MICALL2: variants seen among roughly 807,000 people sequenced by gnomAD.
The protein encoded by MICALL2 is MICAL-like protein 2.
A neutral mutation model predicts 91.1 loss-of-function variants in MICALL2; 111 were observed. The ratio of observed to expected loss-of-function variants is 1.22; its 90% confidence interval spans 1.04 to 1.43. The LOEUF (loss-of-function observed/expected upper bound fraction) is 1.43, where lower values mean the gene tolerates loss of function less well. MICALL2 is among the 40% of genes most tolerant of loss of function. The pLI, the probability that MICALL2 is intolerant of heterozygous loss-of-function variation, is 0.00. For missense variants in MICALL2, 1,556 were observed against 1,236.0 expected (o/e 1.26, Z -3.88); for synonymous variants, 694 against 525.3 (o/e 1.32, Z -4.39).
rs1780059497 is a variant in MICALL2, at chr7:1,437,982, T to TGGGGAGAGGAGCCAGCTG, written c.2312-20_2312-3dup. The TGGGGAGAGGAGCCAGCTG allele has an allele frequency of 6.4e-7, 1 of 1,550,786 alleles. No homozygotes were observed. Among genetic ancestry groups the TGGGGAGAGGAGCCAGCTG allele is most frequent in the Non-Finnish European group, 8.7e-7 (1 of 1,147,618 alleles). The stretch of plus-strand genomic sequence containing the variant: ...CCATGAGGCTATCCTCAGCGTCATC[T>TGGGGAGAGGAGCCAGCTG]GGGGAGAGGAGCCAGCTGGGGCAGG... On this transcript the variant is annotated splice_region_variant and splice_polypyrimidine_tract_variant and intron_variant, in intron 12 of 16. Transcript: ENST00000297508.
rs571470560 is a variant in MICALL2, at chr7:1,444,573, C to A, written c.1418+79G>T. 111 of 1,409,960 alleles carry A rather than the reference C, an allele frequency of 7.9e-5. No homozygotes were observed. The African/African-American group carries it at 1.4e-3, about 18-fold the overall frequency. The allele number at this position is 1,409,960 out of a possible 1,614,324, so 87.3% of individuals were successfully genotyped here. A position where few individuals can be genotyped will look rare whatever the true frequency, so the allele number is the denominator to read the frequency against. Reference sequence around the variant, plus strand: ...CACAGCCAGGGAGGTGCAGCGCCCCCAACCCCTCTGGCCTCCGGGGCCCCG... The same window carrying A: ...CACAGCCAGGGAGGTGCAGCGCCCCAAACCCCTCTGGCCTCCGGGGCCCCG... On this transcript the variant is annotated intron_variant, in intron 6 of 16. Transcript: ENST00000297508.
chr7:1,450,491 T>C (rs1780786558), intron 1 of MICALL2: 5 of 580,140 alleles, frequency 8.6e-6, no homozygotes, highest in Non-Finnish European at 6.3e-6. Context: ...GCTGGGACCG[T>C]AGTACGACAT....
In MICALL2 at chr7:1,438,331, ATTGGCC is replaced by A; in HGVS notation, c.2139_2144del (p.Ala714_Asn715del). 6.2e-7 allele frequency: 1 copy of A among 1,605,080 alleles called. No individual in the cohort carries two copies. Among genetic ancestry groups the A allele is most frequent in the Non-Finnish European group, 8.5e-7 (1 of 1,177,008 alleles). On this transcript the variant is annotated inframe_deletion, in exon 11 of 17. Transcript: ENST00000297508. ...CCGTCTCGCCAGGCAGAGCAGGGAC[ATTGGCC>A]GGGGACAAGGGTCTCCCTGGAGAAG...
rs1780877725 is a variant in MICALL2 at position 1,452,650 on chromosome 7, C to T, written c.144-2362G>A. On this transcript the variant is annotated intron_variant, in intron 1 of 16. Transcript: ENST00000297508. This position sits in a 1 kb window ranked among gnomAD's most constrained non-coding sequence, Gnocchi z 6.2. ...AGCAGCGGCTCTGTCCAGTGGGTTTCCCTGCAGGGCCATCTCACCCCCAGA... is the reference window on the plus strand; with the variant it reads ...AGCAGCGGCTCTGTCCAGTGGGTTTTCCTGCAGGGCCATCTCACCCCCAGA... Among the ~76,000 whole-genome samples the T allele has an allele frequency of 6.6e-6, 1 of 152,146 alleles. No individual in the cohort carries two copies. The highest frequency in any genetic ancestry group is 2.4e-5 in the African/African-American group (1 of 41,428).
At chr7:1,439,335 C>A (rs1035224877) in intron 9 of MICALL2, 3 of 309,162 alleles carry the variant, frequency 9.7e-6, no homozygotes, top group Non-Finnish European at 1.8e-5. Context: ...CGGGTGCACA[C>A]GTGGACACAC....
chr7:1,444,762 AC>A lies in MICALL2; in HGVS notation c.1307del (p.Gly436ValfsTer61). 1 of 1,612,096 alleles carries A rather than the reference AC, an allele frequency of 6.2e-7. No homozygotes were observed. The highest frequency in any genetic ancestry group is 8.5e-7 in the Non-Finnish European group (1 of 1,179,728). On this transcript the variant is annotated frameshift_variant, in exon 6 of 17. Transcript: ENST00000297508. LOFTEE classifies it high-confidence loss of function. ...TGGATAGAACAAGTGACGGGGTGGG[AC>A]CTCTGCCAGAAAGGCTGGTGCCGGG... ...VPPGTSLSGRGPTPSLVLSKD... is the reference protein window; with the variant it reads ...VPPGTSLSGRXPTPSLVLSKD...
At position 1,450,277 on chromosome 7, in the gene MICALL2, G is replaced by A. The variant is rs1409536397; in HGVS notation, c.155C>T (p.Ala52Val). ...TTCATAAATATTTTCCTTCTTGAGAGCACTGAAGTTTCTGGAAGATAAAAA... is the reference window on the plus strand; with the variant it reads ...TTCATAAATATTTTCCTTCTTGAGAACACTGAAGTTTCTGGAAGATAAAAA... ...RHRPDLINFS[A>V]LKKENIYENN... The change falls in exon 2 of 17, where the codon GCT (alanine) becomes GTT (valine). Residue 52 changes from alanine to valine, a missense_variant. Coordinates refer to ENST00000297508, the MANE Select transcript of MICALL2 (RefSeq NM_182924.4). The A allele has an allele frequency of 1.9e-6, 3 of 1,612,954 alleles. No homozygotes were observed. In the African/African-American group the frequency reaches 4.0e-5, roughly 21 times the overall value.
Position 1,452,891 on chromosome 7 carries a change from G to C in MICALL2, c.144-2603C>G, listed in dbSNP as rs929372794. ...ACAGCCACCACCCATCCTGCCCCAA[G>C]CTCCTTCCCCAGGGCCGGCCCTCCA... On this transcript the variant is annotated intron_variant, in intron 1 of 16. Coordinates refer to ENST00000297508, the MANE Select transcript of MICALL2 (RefSeq NM_182924.4). This position sits in a 1 kb window ranked among gnomAD's most constrained non-coding sequence, Gnocchi z 6.2. Among the ~76,000 whole-genome samples, 12 of 151,992 alleles carry C rather than the reference G, an allele frequency of 7.9e-5. No homozygotes were observed. Among genetic ancestry groups the C allele is most frequent in the Non-Finnish European group, 1.5e-4 (10 of 67,988 alleles).
rs554504360 is a variant in MICALL2, at chr7:1,450,227, G to A, written c.192+13C>T. ...GCTAAGCCAGCTGTGAGGCCGGGGC[G>A]GGGGCCACTCACCAGTTTATTGTTT... On this transcript the variant is annotated intron_variant, in intron 2 of 16. Coordinates refer to ENST00000297508, the MANE Select transcript of MICALL2 (RefSeq NM_182924.4). 2.0e-5 allele frequency: 33 copies of A among 1,610,366 alleles called. No homozygotes were observed. The highest frequency in any genetic ancestry group is 1.8e-4 in the Middle Eastern group (1 of 5,548).
At chr7:1,440,731 A>G in intron 7 of MICALL2, 47 bp from the exon 8 acceptor site, 1 of 1,517,018 alleles carries the variant, frequency 6.6e-7, no homozygotes, top group East Asian at 2.3e-5. Flanking sequence ...AGTGCTGGGA[A>G]TGGGGTGTCT....
Position 1,438,993 on chromosome 7 carries a change from T to A in MICALL2, c.1969A>T (p.Arg657Trp). Residue 657 changes from arginine to tryptophan, a missense_variant and splice_region_variant, in exon 10 of 17, where the codon AGG becomes TGG. Transcript: ENST00000297508. ...PASPGPSLPA[R>W]SPSPPRRRRL... ...CTGCGGCGGGGTGGGGAGGGGGACC[T>A]GGCTGCCCCCAGGTGGGGAGACAGA... The A allele has an allele frequency of 6.3e-7, 1 of 1,592,454 alleles. No homozygotes were observed. The highest frequency in any genetic ancestry group is 1.1e-5 in the South Asian group (1 of 90,724).
intron 10 of MICALL2, 54 bp from the exon 11 acceptor site, chr7:1,438,407 A>T (rs1780092230): frequency 6.4e-7 from 1 of 1,559,638 alleles, no homozygotes; most frequent in Non-Finnish European, 8.7e-7. Flanking sequence ...GCCCAACGTG[A>T]CCAGGACACA....
chr7:1,437,985 G>A lies in MICALL2; in HGVS notation c.2312-5C>T, dbSNP rs973989237. On this transcript the variant is annotated splice_polypyrimidine_tract_variant and splice_region_variant and intron_variant, in intron 12 of 16. Coordinates refer to ENST00000297508, the MANE Select transcript of MICALL2 (RefSeq NM_182924.4). ...TGAGGCTATCCTCAGCGTCATCTGG[G>A]GAGAGGAGCCAGCTGGGGCAGGGGG... 2.6e-6 allele frequency: 4 copies of A among 1,550,816 alleles called. No homozygotes were observed. Among genetic ancestry groups the A allele is most frequent in the East Asian group, 2.4e-5 (1 of 41,264 alleles).
rs746099635 is a variant in MICALL2, at chr7:1,455,966, C to A, written c.143+3218G>T. Reference sequence around the variant, plus strand: ...AACCGGTCTGTGCCTGTCCCTCACACGCGTTTCCTCCCTTCCTGAAGACTA... The same window carrying A: ...AACCGGTCTGTGCCTGTCCCTCACAAGCGTTTCCTCCCTTCCTGAAGACTA... On this transcript the variant is annotated intron_variant, in intron 1 of 16. Transcript: ENST00000297508. Among the ~76,000 whole-genome samples the A allele has an allele frequency of 2.6e-5, 4 of 151,948 alleles. No homozygotes were observed. The South Asian group carries it at 8.3e-4, about 31-fold the overall frequency.
chr7:1,447,925 C>T, intron 3 of MICALL2, 160 bp from the exon 4 acceptor site: 1 of 526,184 alleles, frequency 1.9e-6, no homozygotes, highest in Non-Finnish European at 3.3e-6. Context: ...TTTTCTGGCA[C>T]AGCCCCGGGT....
chr7:1,435,968 C>A (rs1229934002), intron 15 of MICALL2, among the ~76,000 whole-genome samples: 1 of 151,130 alleles, frequency 6.6e-6, no homozygotes, highest in East Asian at 2.0e-4. Context: ...AGGAGAATGG[C>A]ATGAACCCTG....
chr7:1,436,372 A>C, intron 15 of MICALL2, among the ~76,000 whole-genome samples: 1 of 149,952 alleles, frequency 6.7e-6, no homozygotes, highest in African/African-American at 2.5e-5. Context: ...ACAGGAGGGA[A>C]ACTTCGTCTC....
Position 1,446,780 on chromosome 7 carries a change from C to T in MICALL2, c.574G>A (p.Gly192Ser), listed in dbSNP as rs201442603. Reference sequence around the variant, plus strand: ...CGCTGTACCAGGTGCACGTGCTTGCCGCAGACCCCGCAGGTGCTGCTGACC... The same window carrying T: ...CGCTGTACCAGGTGCACGTGCTTGCTGCAGACCCCGCAGGTGCTGCTGACC... Reference protein sequence around the residue: ...SLVSSTCGVCGKHVHLVQRHL... With the variant: ...SLVSSTCGVCSKHVHLVQRHL... The change falls in exon 5 of 17, where the codon GGC (glycine) becomes AGC (serine). Residue 192 changes from glycine (G) to serine (S), a missense_variant. By Grantham distance (56) the Gly-to-Ser change is moderately conservative. Coordinates refer to ENST00000297508, the MANE Select transcript of MICALL2 (RefSeq NM_182924.4). The T allele has an allele frequency of 7.5e-6, 12 of 1,607,406 alleles. No individual in the cohort carries two copies. The East Asian group carries it at 1.1e-4, about 15-fold the overall frequency.
At chr7:1,458,147 G>A (rs1781085011) in intron 1 of MICALL2, among the ~76,000 whole-genome samples, 1 of 152,258 alleles carries the variant, frequency 6.6e-6, no homozygotes, top group Admixed American at 6.5e-5. Context: ...CCTGCAGAGA[G>A]TGGGACTGGC....
Sources: allele counts gnomAD v4.1 joint callset (sites outside exome capture counted in the v4.1 genomes callset), GRCh38; gene constraint gnomAD v4.1.1; non-coding constraint Gnocchi (gnomAD v3.1); transcripts MANE v1.5; gene names NCBI Gene and HGNC (gene_info 2026-07-23, HGNC 2026-07-21).